MEGF8: variants seen among roughly 807,000 people sequenced by gnomAD.
MEGF8 encodes multiple epidermal growth factor-like domains protein 8.
Under a neutral mutation model 302.9 loss-of-function variants are expected in MEGF8, and 156 were observed. The ratio of observed to expected loss-of-function variants is 0.52; its 90% CI spans 0.45 to 0.59. The LOEUF (loss-of-function observed/expected upper bound fraction) is 0.59, where lower values mean the gene tolerates loss of function less well. Among genes scored for constraint, MEGF8 ranks in the 20% least tolerant of loss-of-function variants. MEGF8 has a pLI of 0.00. For synonymous variants in MEGF8, 1,621 were observed against 1,660.5 expected (o/e 0.98, Z 0.58); for missense variants, 3,345 against 3,964.5 (o/e 0.84, Z 4.20).
In MEGF8 at chr19:42,364,302, G is replaced by GC. The variant is rs377430147; in HGVS notation, c.6273+1047dup. 1.3e-3 allele frequency among the ~76,000 whole-genome samples: 197 copies of GC among 152,076 alleles called. 1 individual carries two copies. Among genetic ancestry groups the GC allele is most frequent in the African/African-American group, 4.4e-3 (181 of 41,480 alleles). On this transcript the variant is annotated intron_variant, in intron 35 of 41. Transcript: ENST00000251268. Reference sequence around the variant, plus strand: ...AAAGGCATTCGCACCCCACCCCACTGCCCCCCCGTGGGAGATAAGACACAT... The same window carrying GC: ...AAAGGCATTCGCACCCCACCCCACTGCCCCCCCCGTGGGAGATAAGACACAT...
rs2039777207 is a variant in MEGF8 at position 42,376,786 on chromosome 19, G to T, written c.*11G>T. ...AGCATGTCCCTCTGACATGCCCAGGGTTCTCATCCACAGCAGCTGGGTCAC... is the reference window on the plus strand; with the variant it reads ...AGCATGTCCCTCTGACATGCCCAGGTTTCTCATCCACAGCAGCTGGGTCAC... On this transcript the variant is annotated 3_prime_UTR_variant, in exon 42 of 42. Coordinates refer to ENST00000251268, the MANE Select transcript of MEGF8 (RefSeq NM_001271938.2). The surrounding 1 kb of genome is among the most constrained non-coding windows in gnomAD (Gnocchi z 8.2). 1.3e-5 allele frequency: 18 copies of T among 1,431,924 alleles called. No homozygotes were observed. The highest frequency in any genetic ancestry group is 2.6e-5 in the East Asian group (1 of 39,008). The allele number at this position is 1,431,924 out of a possible 1,614,324, so 88.7% of individuals were successfully genotyped here.
At position 42,352,775 on chromosome 19, in the gene MEGF8, T is replaced by C. The variant is rs1264651324; in HGVS notation, c.3351-153T>C. ...CTATAGAGACAGGCTTGGTGATGCATGGAGTTACCTTGGAGACAGGGTCAC... is the reference window on the plus strand; with the variant it reads ...CTATAGAGACAGGCTTGGTGATGCACGGAGTTACCTTGGAGACAGGGTCAC... On this transcript the variant is annotated intron_variant, in intron 19 of 41. Coordinates refer to ENST00000251268, the MANE Select transcript of MEGF8 (RefSeq NM_001271938.2). This position sits in a 1 kb window ranked among gnomAD's most constrained non-coding sequence, Gnocchi z 4.4. 7.6e-6 allele frequency: 5 copies of C among 657,466 alleles called. No individual in the cohort carries two copies. The highest frequency in any genetic ancestry group is 5.5e-5 in the African/African-American group (3 of 54,822). 40.7% of individuals were successfully genotyped at this position (657,466 alleles called of 1,614,324 possible).
intron 35 of MEGF8, among the ~76,000 whole-genome samples, chr19:42,366,341 T>C (rs1316586126): frequency 2.0e-5 from 3 of 152,224 alleles, no homozygotes; most frequent in Non-Finnish European, 1.5e-5. Flanking sequence ...TCTGGGACTA[T>C]AGATGCACGC....
chr19:42,344,274 C>T lies in MEGF8; in HGVS notation c.1789-167C>T, dbSNP rs558018474. 3.3e-5 allele frequency among the ~76,000 whole-genome samples: 5 copies of T among 152,182 alleles called. No homozygotes were observed. Among genetic ancestry groups the T allele is most frequent in the Admixed American group, 2.6e-4 (4 of 15,278 alleles). On this transcript the variant is annotated intron_variant, in intron 10 of 41. Coordinates refer to ENST00000251268, the MANE Select transcript of MEGF8 (RefSeq NM_001271938.2). The surrounding 1 kb of genome is among the most constrained non-coding windows in gnomAD (Gnocchi z 4.5). Reference sequence around the variant, plus strand: ...AGCCCGACCCTTTTGAGCCCGTGACCCCATCCCCGCATCCCCCGTCCTCTG... The same window carrying T: ...AGCCCGACCCTTTTGAGCCCGTGACTCCATCCCCGCATCCCCCGTCCTCTG...
At chr19:42,360,740 C>T in intron 31 of MEGF8, 35 bp from the exon 32 acceptor site, 1 of 1,551,756 alleles carries the variant, frequency 6.4e-7, no homozygotes, top group South Asian at 1.2e-5. Context: ...GAGTCTCCTG[C>T]TCTCTATCTG....
chr19:42,328,567 A>AGTGTGTGTGTGTGTGTGTGTGTGTGTGT (rs113567438), intron 1 of MEGF8, among the ~76,000 whole-genome samples: 1,989 of 146,592 alleles, frequency 0.014, 24 homozygotes, highest in Middle Eastern at 0.057. Context: ...CAGAATAGGA[A>AGTGTGTGTGTGTGTGTGTGTGTGTGTGT]GTGTGTGTGT....
rs1383742285 is a variant in MEGF8, at chr19:42,352,156, A to G, written c.3102-52A>G. 3.4e-6 allele frequency: 5 copies of G among 1,464,546 alleles called. No homozygotes were observed. Among genetic ancestry groups the G allele is most frequent in the Non-Finnish European group, 4.5e-6 (5 of 1,104,502 alleles). The allele number at this position is 1,464,546 out of a possible 1,614,324, so 90.7% of individuals were successfully genotyped here. A position where few individuals can be genotyped will look rare whatever the true frequency, so the allele number is the denominator to read the frequency against. On this transcript the variant is annotated intron_variant, in intron 18 of 41. Coordinates refer to ENST00000251268, the MANE Select transcript of MEGF8 (RefSeq NM_001271938.2). The surrounding 1 kb of genome is among the most constrained non-coding windows in gnomAD (Gnocchi z 4.4). ...TCTCTCCCTGTCATTGTTTCTATGT[A>G]TGGCTCCTGTTTCTATGTTGTCCCC...
In MEGF8 at chr19:42,358,273, C is replaced by T. The variant is rs767056887; in HGVS notation, c.5141C>T (p.Thr1714Ile). The change falls in exon 29 of 42, where the codon ACC becomes ATC. Residue 1714 changes from threonine to isoleucine, a missense_variant. Transcript: ENST00000251268. This position sits in a 1 kb window ranked among gnomAD's most constrained non-coding sequence, Gnocchi z 4.4. ...ELYSLHCPDR[T>I]WSLLAPSQGA... Reference sequence around the variant, plus strand: ...TACTCCCTGCACTGTCCTGACCGCACCTGGAGTCTGCTGGCCCCTTCTCAG... The same window carrying T: ...TACTCCCTGCACTGTCCTGACCGCATCTGGAGTCTGCTGGCCCCTTCTCAG... The T allele has an allele frequency of 2.5e-6, 4 of 1,605,922 alleles. No individual in the cohort carries two copies. Among genetic ancestry groups the T allele is most frequent in the African/African-American group, 1.3e-5 (1 of 74,854 alleles).
At position 42,355,946 on chromosome 19, in the gene MEGF8, C is replaced by T. The variant is rs374942873; in HGVS notation, c.4333C>T (p.Arg1445Cys). The T allele has an allele frequency of 9.9e-6, 16 of 1,610,426 alleles. No homozygotes were observed. The highest frequency in any genetic ancestry group is 4.5e-5 in the East Asian group (2 of 44,788). Residue 1445 changes from arginine (R) to cysteine (C), a missense_variant, in exon 24 of 42, where the codon CGC becomes TGC. By Grantham distance (180) the Arg-to-Cys change is radical. Coordinates refer to ENST00000251268, the MANE Select transcript of MEGF8 (RefSeq NM_001271938.2). ...TCAGGGCTGGGCTGGCCCACACTGC[C>T]GCATGGCTCTGTGTCCTGAGAACTG... ...CPQGWAGPHCRMALCPENCNA... is the reference protein window; with the variant it reads ...CPQGWAGPHCCMALCPENCNA...
chr19:42,367,351 C>T (rs1316816277), intron 35 of MEGF8, among the ~76,000 whole-genome samples: 4 of 150,600 alleles, frequency 2.7e-5, no homozygotes, highest in African/African-American at 9.8e-5. Context: ...TGCAGTGGCG[C>T]GATCTCTGCT....
chr19:42,348,663 G>C (rs897990254), intron 13 of MEGF8, among the ~76,000 whole-genome samples, 191 bp downstream of exon 13: 1 of 152,136 alleles, frequency 6.6e-6, no homozygotes, highest in Non-Finnish European at 1.5e-5. Context: ...GCAGTGGCGC[G>C]ATCTCGGCTC....
rs1568557225 is a variant in MEGF8, at chr19:42,336,169, A to G, written c.1067A>G (p.His356Arg). Residue 356 changes from histidine to arginine, a missense_variant, in exon 6 of 42, where the codon CAC (histidine) becomes CGC (arginine). Coordinates refer to ENST00000251268, the MANE Select transcript of MEGF8 (RefSeq NM_001271938.2). This position sits in a 1 kb window ranked among gnomAD's most constrained non-coding sequence, Gnocchi z 4.8. ...TATGTGTCTGGAGGCCGCACCCCGC[A>G]CGACCTCTTCTCCTCTGGCCTCTTC... ...WLYVSGGRTP[H>R]DLFSSGLFRF... 1.2e-6 allele frequency: 2 copies of G among 1,610,990 alleles called. No homozygotes were observed. The highest frequency in any genetic ancestry group is 1.7e-6 in the Non-Finnish European group (2 of 1,179,850).
Position 42,351,664 on chromosome 19 carries a change from C to G in MEGF8, c.3004C>G (p.Arg1002Gly). The change falls in exon 18 of 42, where the codon CGG (arginine) becomes GGG (glycine). Residue 1002 changes from arginine (R) to glycine (G), a missense_variant. Coordinates refer to ENST00000251268, the MANE Select transcript of MEGF8 (RefSeq NM_001271938.2). This position sits in a 1 kb window ranked among gnomAD's most constrained non-coding sequence, Gnocchi z 5.6. ...GWDDSVHSEP[R>G]CRSCDGFLTC... ...ATCCTGCAGTGTACACTCGGAGCCA[C>G]GGTGCCGGAGCTGCGATGGCTTCCT... The G allele has an allele frequency of 6.3e-7, 1 of 1,590,166 alleles. No individual in the cohort carries two copies. The highest frequency in any genetic ancestry group is 1.1e-5 in the South Asian group (1 of 87,302).
In MEGF8 at chr19:42,354,051, G is replaced by C; in HGVS notation, c.4011+27G>C. The C allele has an allele frequency of 6.3e-7, 1 of 1,576,848 alleles. No homozygotes were observed. The highest frequency in any genetic ancestry group is 8.6e-7 in the Non-Finnish European group (1 of 1,163,344). Reference sequence around the variant, plus strand: ...TGAGCACTGAGGAAACGAGGGTTCAGGCGCATGAGCCAGAACCGTGTCCCC... The same window carrying C: ...TGAGCACTGAGGAAACGAGGGTTCACGCGCATGAGCCAGAACCGTGTCCCC... On this transcript the variant is annotated intron_variant, in intron 22 of 41. Coordinates refer to ENST00000251268, the MANE Select transcript of MEGF8 (RefSeq NM_001271938.2). This position sits in a 1 kb window ranked among gnomAD's most constrained non-coding sequence, Gnocchi z 4.3.
chr19:42,345,963 C>T (rs1161117363), intron 12 of MEGF8, among the ~76,000 whole-genome samples: 1 of 152,192 alleles, frequency 6.6e-6, no homozygotes, highest in Non-Finnish European at 1.5e-5. Context: ...TGCAGTGGCA[C>T]GATCTTGGCT....
rs142986766 is a variant in MEGF8 at position 42,332,857 on chromosome 19, G to A, written c.188-748G>A. On this transcript the variant is annotated intron_variant, in intron 1 of 41. Transcript: ENST00000251268. ...GCAGGGAATTAACTTTCAATGGCAG[G>A]AGTGGCCTATAAGTTTGATTCCACC... Among the ~76,000 whole-genome samples the A allele has an allele frequency of 1.6e-4, 25 of 152,330 alleles. No homozygotes were observed. The East Asian group carries it at 4.4e-3, about 27-fold the overall frequency.
intron 1 of MEGF8, among the ~76,000 whole-genome samples, chr19:42,333,237 T>G (rs1384718339): frequency 2.0e-5 from 3 of 152,176 alleles, no homozygotes; most frequent in Non-Finnish European, 2.9e-5. Context: ...AACTCAGGCA[T>G]GGACAGGAAG....
chr19:42,327,519 G>A (rs2039000418), intron 1 of MEGF8, among the ~76,000 whole-genome samples: 1 of 152,222 alleles, frequency 6.6e-6, no homozygotes, highest in Non-Finnish European at 1.5e-5. Flanking sequence ...TGGGAGGAAA[G>A]GCCCCAGCCC....
chr19:42,357,323 G>T lies in MEGF8; in HGVS notation c.4831-81G>T. ...TCCTTAGTACTTCAGGGAGGACTGT[G>T]GGGGGCTGAGGCTCGCTTCTACCCA... On this transcript the variant is annotated intron_variant, in intron 27 of 41. Transcript: ENST00000251268. This position sits in a 1 kb window ranked among gnomAD's most constrained non-coding sequence, Gnocchi z 5.2. 3 of 1,502,122 alleles carry T rather than the reference G, an allele frequency of 2.0e-6. No individual in the cohort carries two copies. Among genetic ancestry groups the T allele is most frequent in the East Asian group, 4.5e-5 (2 of 44,000 alleles). The allele number at this position is 1,502,122 out of a possible 1,614,324, so 93.0% of individuals were successfully genotyped here.
Sources: allele counts gnomAD v4.1 joint callset (sites outside exome capture counted in the v4.1 genomes callset), GRCh38; gene constraint gnomAD v4.1.1; non-coding constraint Gnocchi (gnomAD v3.1); transcripts MANE v1.5; gene names NCBI Gene and HGNC (gene_info 2026-07-23, HGNC 2026-07-21).